Variants in CEBPZOS observed in about 807,000 individuals in gnomAD.
The protein encoded by CEBPZOS is protein CEBPZOS.
Under a neutral mutation model 4.8 loss-of-function variants are expected in CEBPZOS, and 10 were observed. That is an observed-to-expected ratio of 2.07 (90% CI 1.28 to 3.52). The LOEUF is 3.52. CEBPZOS is among the 30% of genes most tolerant of loss of function. The pLI is 0.00. For missense variants in CEBPZOS, 98 were observed against 43.6 expected, an observed-to-expected ratio of 2.25 and a Z score of -3.51; for synonymous variants, 25 against 14.2, an observed-to-expected ratio of 1.77 and a Z score of -1.72.
At chr2:37,213,358 G>A (rs1416285980) in intron 4 of CEBPZOS, 1 of 152,966 alleles carries the variant, frequency 6.5e-6, no homozygotes, top group Non-Finnish European at 1.5e-5. Flanking sequence ...CACAAATCAT[G>A]TATTTTTCTG....
chr2:37,211,829 T>A (rs1418951880), intron 4 of CEBPZOS: 1 of 1,561,752 alleles, frequency 6.4e-7, no homozygotes, highest in Non-Finnish European at 8.6e-7. Context: ...TGTCTTATTT[T>A]AAAAAATGCT....
At chr2:37,212,560 C>A in intron 4 of CEBPZOS, 1 of 598,014 alleles carries the variant, frequency 1.7e-6, no homozygotes, top group Non-Finnish European at 2.9e-6. Context: ...TGTATACAAA[C>A]CTGTGAAATA....
chr2:37,196,687 G>C (rs1387631394), intron 1 of CEBPZOS, 167 bp downstream of exon 1: 1 of 152,552 alleles, frequency 6.6e-6, no homozygotes, highest in Non-Finnish European at 1.5e-5. Context: ...TTTCCGGGTC[G>C]CTAGGCGGCC....
At chr2:37,211,693 C>T (rs1478794356) in intron 4 of CEBPZOS, 20 of 586,588 alleles carry the variant, frequency 3.4e-5, no homozygotes, top group East Asian at 1.8e-4. Context: ...CAGCTCCAAA[C>T]GAGAAGGGAA....
chr2:37,206,546 T>C (rs974333582), downstream of CEBPZOS, among the ~76,000 whole-genome samples: 15 of 152,206 alleles, frequency 9.9e-5, no homozygotes, highest in African/African-American at 2.9e-4. Flanking sequence ...TTTGTAGAGA[T>C]AGGGTTTTGC....
downstream of CEBPZOS, chr2:37,209,306 T>C (rs1442896310): frequency 1.3e-5 from 2 of 152,066 alleles, no homozygotes; most frequent in African/African-American, 4.8e-5. Flanking sequence ...CTGAAATTCA[T>C]ATGGAACAAA....
At chr2:37,205,614 C>G (rs1399593069), downstream of CEBPZOS, among the ~76,000 whole-genome samples, 1 of 152,190 alleles carries the variant, frequency 6.6e-6, no homozygotes, top group Non-Finnish European at 1.5e-5. Flanking sequence ...GTTTGGTGGT[C>G]TCTTCATACA....
rs988331838 is a variant in CEBPZOS, at chr2:37,203,070, A to G, written c.*1210A>G. 7.2e-5 allele frequency: 79 copies of G among 1,102,606 alleles called. No individual in the cohort carries two copies. The highest frequency in any genetic ancestry group is 3.1e-4 in the East Asian group (12 of 38,882). 68.3% of individuals were successfully genotyped at this position (1,102,606 alleles called of 1,614,324 possible). A position where few individuals can be genotyped will look rare whatever the true frequency, so the allele number is the denominator to read the frequency against. On this transcript the variant is annotated 3_prime_UTR_variant, in exon 5 of 5. Transcript: ENST00000402297. The stretch of plus-strand genomic sequence containing the variant: ...AATCTAATGATTTTAGAAAAATGCA[A>G]TGCAACATGATTTTATTTTAAAAAT...
At chr2:37,211,576 A>G in intron 4 of CEBPZOS, 1 of 360,094 alleles carries the variant, frequency 2.8e-6, no homozygotes, top group South Asian at 8.7e-5. Flanking sequence ...GCAGCATTTC[A>G]GCTCAACATG....
Position 37,202,771 on chromosome 2 carries a change from T to G in CEBPZOS, c.*911T>G, listed in dbSNP as rs1443373542. On this transcript the variant is annotated 3_prime_UTR_variant, in exon 5 of 5. Transcript: ENST00000402297. The stretch of plus-strand genomic sequence containing the variant: ...ATTTTTAAAACATCAATAAAAAAAT[T>G]TAAGTTACTTACTTGCATTATCTTT... 1.3e-6 allele frequency: 2 copies of G among 1,510,396 alleles called. No individual in the cohort carries two copies. Among genetic ancestry groups the G allele is most frequent in the South Asian group, 1.3e-5 (1 of 76,130 alleles). 93.6% of individuals were successfully genotyped at this position (1,510,396 alleles called of 1,614,324 possible).
downstream of CEBPZOS, chr2:37,216,186 C>T (rs1677862442): frequency 6.2e-7 from 1 of 1,613,198 alleles, no homozygotes; most frequent in Non-Finnish European, 8.5e-7. Flanking sequence ...TTTTCGGCTG[C>T]ATCACAACAC....
In CEBPZOS at chr2:37,210,657, T is replaced by C. The variant is rs115541854; in HGVS notation, c.*3-2780T>C. On this transcript the variant is annotated intron_variant, in intron 4 of 4. Coordinates refer to the CEBPZOS transcript ENST00000397064. Reference sequence around the variant, plus strand: ...AGGCAGTGGGGGATAAGAGTACACATTGGGTGCAGTGTACTGCTTGAGTGA... The same window carrying C: ...AGGCAGTGGGGGATAAGAGTACACACTGGGTGCAGTGTACTGCTTGAGTGA... 667 of 180,876 alleles carry C rather than the reference T, an allele frequency of 3.7e-3. 7 individuals carry two copies. Among genetic ancestry groups the C allele is most frequent in the African/African-American group, 0.015 (635 of 42,214 alleles). 11.2% of individuals were successfully genotyped at this position (180,876 alleles called of 1,614,324 possible). A position where few individuals can be genotyped will look rare whatever the true frequency, so the allele number is the denominator to read the frequency against.
chr2:37,204,335 G>C lies in CEBPZOS; in HGVS notation c.*2475G>C, dbSNP rs554154332. ...GCTTTGTCGCCAGGCTGGAGTACAG[G>C]GGCGTGATCTCGGCTCACTGCAACC... On this transcript the variant is annotated 3_prime_UTR_variant, in exon 5 of 5. Transcript: ENST00000402297. The C allele has an allele frequency of 6.7e-6, 1 of 149,036 alleles. No individual in the cohort carries two copies. Among genetic ancestry groups the C allele is most frequent in the African/African-American group, 2.5e-5 (1 of 40,518 alleles). The allele number at this position is 149,036 out of a possible 1,614,324, so 9.2% of individuals were successfully genotyped here.
intron 4 of CEBPZOS, chr2:37,213,325 T>C (rs566855717): frequency 6.6e-6 from 1 of 152,558 alleles, no homozygotes; most frequent in East Asian, 1.9e-4. Flanking sequence ...ATATAAATGT[T>C]TTCTTATATA....
Position 37,201,093 on chromosome 2 carries a change from G to GT in CEBPZOS, c.160+2dup, listed in dbSNP as rs1677206740. On this transcript the variant is annotated splice_donor_variant, in intron 3 of 4. Transcript: ENST00000402297. LOFTEE classifies it high-confidence loss of function. ...AAGAAATATCCCTTCATCTTGGAAG[G>GT]TATGTTTTTCCTTAAGTAAAAATAA... 2.8e-6 allele frequency: 2 copies of GT among 714,800 alleles called. No individual in the cohort carries two copies. The highest frequency in any genetic ancestry group is 5.4e-5 in the East Asian group (2 of 37,200). 44.3% of individuals were successfully genotyped at this position (714,800 alleles called of 1,614,324 possible).
chr2:37,200,921 T>C (rs1677196953), intron 2 of CEBPZOS, 127 bp from the exon 3 acceptor site: 3 of 598,070 alleles, frequency 5.0e-6, no homozygotes, highest in Middle Eastern at 5.5e-4. Flanking sequence ...CAGAAAGACC[T>C]TCAAACAAAT....
At chr2:37,215,050 A>G, downstream of CEBPZOS, 1 of 790,876 alleles carries the variant, frequency 1.3e-6, no homozygotes, top group East Asian at 2.6e-5. Context: ...GTAATTCTAA[A>G]AATCTCAGAA....
At chr2:37,210,249 C>T (rs980571571) in intron 4 of CEBPZOS, 5 of 152,198 alleles carry the variant, frequency 3.3e-5, no homozygotes, top group Non-Finnish European at 5.9e-5. Context: ...GTAGAACTAT[C>T]ATTTGATCTA....
At chr2:37,208,342 A>G (rs1482295435), downstream of CEBPZOS, among the ~76,000 whole-genome samples, 2 of 152,232 alleles carry the variant, frequency 1.3e-5, no homozygotes, top group South Asian at 2.1e-4. Context: ...ATGACATAAC[A>G]AAAGAAAACT....
Sources: gnomAD v4.1 joint callset for allele counts (sites outside exome capture counted in the v4.1 genomes callset) on GRCh38, gnomAD v4.1.1 for gene constraint, MANE v1.5 for transcripts, NCBI Gene and HGNC (gene_info 2026-07-23, HGNC 2026-07-21) for gene names.